ZNF609: variants seen among roughly 807,000 people sequenced by gnomAD.
ZNF609 encodes zinc finger protein 609.
In ZNF609, 11 loss-of-function variants were observed where a neutral mutation model predicts 109.5. The observed-to-expected ratio is 0.10, with a 90% CI of 0.06 to 0.17. The LOEUF (loss-of-function observed/expected upper bound fraction) is 0.17. ZNF609 is among the 10% of genes least tolerant of loss of function. ZNF609 has a pLI of 1.00. For missense variants in ZNF609, 1,559 were observed against 1,772.4 expected, an observed-to-expected ratio of 0.88 and a Z score of 2.16; for synonymous variants, 646 against 662.0, an observed-to-expected ratio of 0.98 and a Z score of 0.37.
intron 1 of ZNF609, among the ~76,000 whole-genome samples, chr15:64,478,135 A>G (rs1893198063): frequency 6.7e-6 from 1 of 148,670 alleles, no homozygotes; most frequent in Non-Finnish European, 1.5e-5. Context: ...GGTCTTTTTC[A>G]TATTTAATTT....
intron 3 of ZNF609, among the ~76,000 whole-genome samples, chr15:64,662,634 T>A (rs1196809445): frequency 6.7e-6 from 1 of 148,150 alleles, no homozygotes; most frequent in Non-Finnish European, 1.5e-5. Context: ...CATGAAGCAT[T>A]TTTAAAACAT....
At chr15:64,515,453 G>C (rs1437055863) in intron 2 of ZNF609, among the ~76,000 whole-genome samples, 1 of 152,102 alleles carries the variant, frequency 6.6e-6, no homozygotes, top group Non-Finnish European at 1.5e-5. Flanking sequence ...CCTCTCCCTG[G>C]GAAGCAGTTT....
chr15:64,639,117 A>C (rs1482359954), intron 3 of ZNF609, among the ~76,000 whole-genome samples: 6 of 152,078 alleles, frequency 3.9e-5, no homozygotes, highest in Non-Finnish European at 5.9e-5. Flanking sequence ...AATAAATAAG[A>C]TGGAGCTTGG....
intron 2 of ZNF609, among the ~76,000 whole-genome samples, chr15:64,599,635 ATC>A (rs1895461957): frequency 1.3e-5 from 2 of 151,638 alleles, no homozygotes; most frequent in African/African-American, 4.8e-5. Context: ...CTCCTTTTCA[ATC>A]TCTCTAGTTT....
chr15:64,628,270 C>T (rs1179718678), intron 3 of ZNF609, among the ~76,000 whole-genome samples: 2 of 151,904 alleles, frequency 1.3e-5, no homozygotes, highest in Non-Finnish European at 2.9e-5. Context: ...CACTGCATTC[C>T]AGGCTGGGTG....
At position 64,683,965 on chromosome 15, in the gene ZNF609, G is replaced by A. The variant is rs2083226520; in HGVS notation, c.*2279G>A. The stretch of plus-strand genomic sequence containing the variant: ...CCTTGGGTTCTCCAGAAGAGAACAG[G>A]TTTTTCTTTTCCTTTTTAATTTTTC... On this transcript the variant is annotated 3_prime_UTR_variant, in exon 10 of 10. Coordinates refer to ENST00000326648, the MANE Select transcript of ZNF609 (RefSeq NM_015042.2). 6.6e-6 allele frequency: 1 copy of A among 152,240 alleles called. No homozygotes were observed. Among genetic ancestry groups the A allele is most frequent in the Non-Finnish European group, 1.5e-5 (1 of 68,050 alleles). The allele number at this position is 152,240 out of a possible 1,614,324, so 9.4% of individuals were successfully genotyped here.
chr15:64,461,472 A>G (rs1892940277), intron 1 of ZNF609, among the ~76,000 whole-genome samples: 4 of 152,102 alleles, frequency 2.6e-5, no homozygotes, highest in South Asian at 4.1e-4. Context: ...TGGAAAACCC[A>G]TGCTGCCCTC....
chr15:64,468,776 G>C (rs189586679), intron 1 of ZNF609, among the ~76,000 whole-genome samples: 2 of 152,124 alleles, frequency 1.3e-5, no homozygotes, highest in African/African-American at 2.4e-5. Flanking sequence ...ATAAAACCCA[G>C]ATTCTGATCA....
chr15:64,635,005 C>T (rs139753617), intron 3 of ZNF609, among the ~76,000 whole-genome samples: 8 of 152,226 alleles, frequency 5.3e-5, no homozygotes, highest in African/African-American at 7.2e-5. Flanking sequence ...CACTGTCATA[C>T]ATTTAAATCC....
rs200425813 is a variant in ZNF609 at position 64,630,091 on chromosome 15, C to CTTTTTTT, written c.973+7045_973+7046insTTTTTTT. ...CCTACATTACCATCCTCCTAATTTT[C>CTTTTTTT]TTTTTTCTTTTTTTTTTTTTTTTTG... On this transcript the variant is annotated intron_variant, in intron 3 of 9. Transcript: ENST00000326648. Among the ~76,000 whole-genome samples the CTTTTTTT allele has an allele frequency of 1.8e-3, 262 of 143,006 alleles. 5 individuals carry two copies. The highest frequency in any genetic ancestry group is 3.8e-3 in the Middle Eastern group (1 of 264). 93.8% of individuals were successfully genotyped at this position (143,006 alleles called of 152,430 possible).
At chr15:64,584,625 A>C (rs1262191780) in intron 2 of ZNF609, among the ~76,000 whole-genome samples, 1 of 151,162 alleles carries the variant, frequency 6.6e-6, no homozygotes, top group African/African-American at 2.4e-5. Flanking sequence ...CCCCATCTTT[A>C]TGTTTATTTT....
At chr15:64,492,530 G>C (rs1893428300) in intron 1 of ZNF609, among the ~76,000 whole-genome samples, 1 of 152,088 alleles carries the variant, frequency 6.6e-6, no homozygotes, top group Non-Finnish European at 1.5e-5. Context: ...ATATTTTCGA[G>C]TTGTCTTCTT....
intron 3 of ZNF609, among the ~76,000 whole-genome samples, chr15:64,653,624 C>T (rs1024717887): frequency 4.6e-5 from 7 of 152,046 alleles, no homozygotes; most frequent in East Asian, 1.9e-4. Context: ...CCACCCTGGA[C>T]GACAGAGCTA....
chr15:64,546,763 A>G (rs1000680744), intron 2 of ZNF609, among the ~76,000 whole-genome samples: 3 of 142,120 alleles, frequency 2.1e-5, no homozygotes, highest in African/African-American at 7.9e-5. Context: ...CATGAGCCAC[A>G]ACAACCCAGC....
chr15:64,615,105 C>T (rs1231397411), intron 2 of ZNF609, among the ~76,000 whole-genome samples: 3 of 152,032 alleles, frequency 2.0e-5, no homozygotes, highest in Non-Finnish European at 2.9e-5. Flanking sequence ...GCGTGAGCCA[C>T]CAGGCCTGGC....
intron 2 of ZNF609, among the ~76,000 whole-genome samples, chr15:64,514,407 T>C (rs1223273190): frequency 1.3e-5 from 2 of 152,208 alleles, no homozygotes; most frequent in African/African-American, 2.4e-5. Context: ...ACCTTCATGT[T>C]CTTCACAGTG....
At chr15:64,670,554 C>G in intron 4 of ZNF609, 121 bp downstream of exon 4, 2 of 829,832 alleles carry the variant, frequency 2.4e-6, no homozygotes, top group Non-Finnish European at 4.0e-6. Context: ...GTATAGATAC[C>G]AGGGAAAGCA....
At chr15:64,501,275 G>T (rs532173344) in intron 2 of ZNF609, 4 of 152,378 alleles carry the variant, frequency 2.6e-5, no homozygotes, top group Non-Finnish European at 5.9e-5. Flanking sequence ...TGTATGTTTG[G>T]GTGGTGGTGC....
In ZNF609 at chr15:64,547,794, G is replaced by A. The variant is rs188424735; in HGVS notation, c.747+47628G>A. Among the ~76,000 whole-genome samples, 272 of 152,204 alleles carry A rather than the reference G, an allele frequency of 1.8e-3. 2 individuals carry two copies. Among genetic ancestry groups the A allele is most frequent in the Non-Finnish European group, 3.4e-3 (229 of 68,012 alleles). ...CTCCCTGTTTAAATTACATTCTAGT[G>A]GGGGGAATACATAATAAATATTAAG... On this transcript the variant is annotated intron_variant, in intron 2 of 9. Coordinates refer to ENST00000326648, the MANE Select transcript of ZNF609 (RefSeq NM_015042.2).
Sources: allele counts gnomAD v4.1 joint callset (sites outside exome capture counted in the v4.1 genomes callset), GRCh38; gene constraint gnomAD v4.1.1; transcripts MANE v1.5; gene names NCBI Gene and HGNC (gene_info 2026-07-23, HGNC 2026-07-21).